The following MYOM1 variants were observed in gnomAD, a reference collection of about 807,000 sequenced individuals.
MYOM1 encodes the protein myomesin-1.
Under a neutral mutation model 205.3 loss-of-function variants are expected in MYOM1, and 164 were observed. The observed-to-expected ratio is 0.80, with a 90% CI of 0.70 to 0.91. MYOM1 has a LOEUF of 0.91. Among genes scored for constraint, MYOM1 ranks in the 40% least tolerant of loss-of-function variants. The pLI is 0.00. For synonymous variants in MYOM1, 772 were observed against 789.4 expected (o/e 0.98, Z 0.37); for missense variants, 2,011 against 2,127.3 (o/e 0.95, Z 1.08).
chr18:3,226,994 C>T, the MYOM1 span, among the ~76,000 whole-genome samples: 1 of 152,150 alleles, frequency 6.6e-6, no homozygotes, highest in South Asian at 2.1e-4. The surrounding 1 kb of genome is among the most constrained non-coding windows in gnomAD (Gnocchi z 4.6). Context: ...GAGGGACAAG[C>T]CCCTAAGCCA....
chr18:3,129,609 G>A (rs1311623444), intron 17 of MYOM1, 90 bp from the exon 18 acceptor site: 36 of 1,372,742 alleles, frequency 2.6e-5, no homozygotes, highest in Non-Finnish European at 3.5e-5. Flanking sequence ...AAAACATTAG[G>A]ACCACAAGCA....
At chr18:3,115,761 G>C (rs1166038409) in intron 21 of MYOM1, among the ~76,000 whole-genome samples, 1 of 152,128 alleles carries the variant, frequency 6.6e-6, no homozygotes, top group East Asian at 1.9e-4. Flanking sequence ...ACAGAGTTAG[G>C]AAATGGTTCA....
intron 25 of MYOM1, among the ~76,000 whole-genome samples, chr18:3,097,525 G>A (rs1295233956): frequency 6.6e-6 from 1 of 152,138 alleles, no homozygotes; most frequent in East Asian, 1.9e-4. Flanking sequence ...CTGGGCTCAA[G>A]TGATCCTCCC....
intron 3 of MYOM1, among the ~76,000 whole-genome samples, chr18:3,191,280 T>C (rs2080901029): frequency 6.6e-6 from 1 of 152,228 alleles, no homozygotes; most frequent in African/African-American, 2.4e-5. Flanking sequence ...TCAGGTGCCA[T>C]GCAGAGGAAA....
In MYOM1 at chr18:3,209,026, A is replaced by T. The variant is rs1429237111; in HGVS notation, c.290+5908T>A. On this transcript the variant is annotated intron_variant, in intron 2 of 37. Transcript: ENST00000356443. The surrounding 1 kb of genome is among the most constrained non-coding windows in gnomAD (Gnocchi z 4.0). Reference sequence around the variant, plus strand: ...TTCAGTCACTTCAGTCTCCAGATGGATTTGAGTCTCCATACAACTATGGTT... The same window carrying T: ...TTCAGTCACTTCAGTCTCCAGATGGTTTTGAGTCTCCATACAACTATGGTT... Among the ~76,000 whole-genome samples, 1 of 152,188 alleles carries T rather than the reference A, an allele frequency of 6.6e-6. No homozygotes were observed. Among genetic ancestry groups the T allele is most frequent in the East Asian group, 1.9e-4 (1 of 5,198 alleles).
At chr18:3,175,079 A>G (rs574823267) in intron 6 of MYOM1, among the ~76,000 whole-genome samples, 27 of 152,260 alleles carry the variant, frequency 1.8e-4, no homozygotes, top group African/African-American at 6.0e-4. Flanking sequence ...ACAGACATCA[A>G]TAGAACCCCA....
Position 3,188,988 on chromosome 18 carries a change from T to C in MYOM1, c.531A>G (p.Gly177=). The C allele has an allele frequency of 6.2e-7, 1 of 1,613,496 alleles. No homozygotes were observed. The highest frequency in any genetic ancestry group is 1.6e-4 in the Middle Eastern group (1 of 6,062). The part of the protein sequence containing the change: ...AQRNLLASEE[G]ITTSKQSTAS... ...CCGTGGACTGTTTAGATGTTGTGATTCCTTCCTCACTAGCAAGAAGATTCC... is the reference window on the plus strand; with the variant it reads ...CCGTGGACTGTTTAGATGTTGTGATCCCTTCCTCACTAGCAAGAAGATTCC... The change falls in exon 4 of 38, where the codon GGA becomes GGG. Residue 177 remains glycine (G), a synonymous_variant. Coordinates refer to ENST00000356443, the MANE Select transcript of MYOM1 (RefSeq NM_003803.4).
intron 5 of MYOM1, among the ~76,000 whole-genome samples, chr18:3,180,737 T>C (rs2080717718): frequency 6.6e-6 from 1 of 152,188 alleles, no homozygotes; most frequent in African/African-American, 2.4e-5. Context: ...ATACTATAAG[T>C]TTTTCCAGTG....
intron 2 of MYOM1, among the ~76,000 whole-genome samples, chr18:3,194,327 A>C (rs1384548477): frequency 1.3e-5 from 2 of 152,188 alleles, no homozygotes; most frequent in African/African-American, 2.4e-5. Flanking sequence ...GTGCATCCAA[A>C]TTCTTTTGGG....
At chr18:3,128,816 G>A (rs1455010068) in intron 18 of MYOM1, among the ~76,000 whole-genome samples, 1 of 152,096 alleles carries the variant, frequency 6.6e-6, no homozygotes, top group African/African-American at 2.4e-5. Flanking sequence ...TATGACCCTG[G>A]TACGATGTCA....
chr18:3,071,858 G>A lies in MYOM1; in HGVS notation c.4740C>T (p.Asp1580=), dbSNP rs201979586. 1.3e-4 allele frequency: 203 copies of A among 1,604,970 alleles called. 1 individual carries two copies. The African/African-American group carries it at 1.7e-3, about 13-fold the overall frequency. The change falls in exon 37 of 38, where the codon GAC becomes GAT. Residue 1580 remains aspartate (D), a synonymous_variant. Coordinates refer to ENST00000356443, the MANE Select transcript of MYOM1 (RefSeq NM_003803.4). ...NRARVLGGLP[D]VVTIQEGKAL... ...CCTTCCCCTCCTGGATGGTGACCAC[G>A]TCTGGGAGACCTCCCAACACCCGGG...
intron 1 of MYOM1, among the ~76,000 whole-genome samples, chr18:3,217,395 A>G (rs916457966): frequency 1.3e-5 from 2 of 152,220 alleles, no homozygotes; most frequent in Non-Finnish European, 2.9e-5. Context: ...TTGAAAGACA[A>G]GTTGCTATTA....
chr18:3,238,469 A>G, the MYOM1 span, among the ~76,000 whole-genome samples: 2 of 149,344 alleles, frequency 1.3e-5, no homozygotes, highest in African/African-American at 2.4e-5. Context: ...ACATTTTACT[A>G]AATTGGTGGG....
At chr18:3,164,171 A>T in intron 10 of MYOM1, 107 bp downstream of exon 10, 6 of 1,248,752 alleles carry the variant, frequency 4.8e-6, no homozygotes, top group Non-Finnish European at 6.7e-6. Flanking sequence ...TTTTGAAATG[A>T]CTCTTCCATC....
Position 3,078,799 on chromosome 18 carries a change from A to AT in MYOM1, c.4648+379dup, listed in dbSNP as rs905596066. On this transcript the variant is annotated intron_variant, in intron 34 of 37. Transcript: ENST00000356443. ...CTGGGAAAGGGATAAATGGTCCAGT[A>AT]TTTTTTTTGACTTTTTGCTTATAAG... 9.2e-5 allele frequency among the ~76,000 whole-genome samples: 14 copies of AT among 151,562 alleles called. No individual in the cohort carries two copies. The South Asian group carries it at 1.0e-3, about 11-fold the overall frequency.
At position 3,139,834 on chromosome 18, in the gene MYOM1, G is replaced by C. The variant is rs537658221; in HGVS notation, c.2025+2105C>G. On this transcript the variant is annotated intron_variant, in intron 14 of 37. Transcript: ENST00000356443. Reference sequence around the variant, plus strand: ...TTAATTACAAACTCACAGGTATTTAGGTCGAGGGAAGTTATAGACTTCCAC... The same window carrying C: ...TTAATTACAAACTCACAGGTATTTACGTCGAGGGAAGTTATAGACTTCCAC... Among the ~76,000 whole-genome samples the C allele has an allele frequency of 1.7e-4, 26 of 152,158 alleles. No homozygotes were observed. In the South Asian group the frequency reaches 5.4e-3, roughly 32 times the overall value.
In MYOM1 at chr18:3,135,894, C is replaced by G. The variant is rs1054764988; in HGVS notation, c.2026-164G>C. 3.9e-5 allele frequency among the ~76,000 whole-genome samples: 6 copies of G among 152,126 alleles called. No individual in the cohort carries two copies. Among genetic ancestry groups the G allele is most frequent in the African/African-American group, 1.4e-4 (6 of 41,424 alleles). ...AATAGGGGATGAGGCATCTGAAGTT[C>G]GTAGGATTCTCTAAATCAAACTTGG... On this transcript the variant is annotated intron_variant, in intron 14 of 37. Transcript: ENST00000356443. This position sits in a 1 kb window ranked among gnomAD's most constrained non-coding sequence, Gnocchi z 4.1.
At chr18:3,153,503 C>T (rs993628733) in intron 11 of MYOM1, among the ~76,000 whole-genome samples, 6 of 152,238 alleles carry the variant, frequency 3.9e-5, no homozygotes, top group African/African-American at 1.2e-4. Context: ...CAGAGGAGAA[C>T]AAAATGTACT....
chr18:3,216,210 T>C (rs577493941), intron 1 of MYOM1, among the ~76,000 whole-genome samples: 2 of 152,276 alleles, frequency 1.3e-5, no homozygotes, highest in Non-Finnish European at 2.9e-5. Flanking sequence ...GAGTTTGCAG[T>C]GAGCCGAGGT....
Sources: allele counts gnomAD v4.1 joint callset (sites outside exome capture counted in the v4.1 genomes callset), GRCh38; gene constraint gnomAD v4.1.1; non-coding constraint Gnocchi (gnomAD v3.1); transcripts MANE v1.5; gene names NCBI Gene and HGNC (gene_info 2026-07-23, HGNC 2026-07-21).